The following SAMD12 variants were observed in gnomAD, a reference collection of about 807,000 sequenced individuals.
The protein encoded by SAMD12 is sterile alpha motif domain containing 12.
In SAMD12, 9 loss-of-function variants were observed where a neutral mutation model predicts 15.0. That is an observed-to-expected ratio of 0.60 (90% CI 0.36 to 1.05). The LOEUF is 1.05. SAMD12 is among the 50% of genes least tolerant of loss of function. SAMD12 has a pLI of 0.01. For missense variants in SAMD12, 230 were observed against 234.2 expected (o/e 0.98, Z 0.12); for synonymous variants, 86 against 90.1 (o/e 0.96, Z 0.25).
In SAMD12 at chr8:118,228,685, G is replaced by A. The variant is rs139543099; in HGVS notation, c.434-30953C>T. 6.6e-5 allele frequency among the ~76,000 whole-genome samples: 10 copies of A among 152,262 alleles called. 1 individual carries two copies. The highest frequency in any genetic ancestry group is 9.6e-5 in the African/African-American group (4 of 41,540). ...GATCAGGGAACACTTCTACACTGCTGGTGGGAATGTAAACTAGTACAGCCA... is the reference window on the plus strand; with the variant it reads ...GATCAGGGAACACTTCTACACTGCTAGTGGGAATGTAAACTAGTACAGCCA... On this transcript the variant is annotated intron_variant, in intron 4 of 4. Transcript: ENST00000409003.
At chr8:118,277,687 A>G (rs1000601629) in intron 4 of SAMD12, among the ~76,000 whole-genome samples, 1 of 152,182 alleles carries the variant, frequency 6.6e-6, no homozygotes. Context: ...TCCATTATGT[A>G]TATAGTTTTC....
intron 4 of SAMD12, among the ~76,000 whole-genome samples, chr8:118,272,914 G>T (rs1813400491): frequency 6.6e-6 from 1 of 152,198 alleles, no homozygotes; most frequent in Non-Finnish European, 1.5e-5. Context: ...TGTGTAGGAA[G>T]TTCCAAATGT....
intron 2 of SAMD12, among the ~76,000 whole-genome samples, chr8:118,552,824 T>A (rs1438023532): frequency 6.6e-6 from 1 of 152,024 alleles, no homozygotes; most frequent in African/African-American, 2.4e-5. Context: ...ATAAGCAACT[T>A]CAGCAAAGTC....
At chr8:118,585,107 T>C (rs183072898) in intron 1 of SAMD12, among the ~76,000 whole-genome samples, 182 of 152,302 alleles carry the variant, frequency 1.2e-3, no homozygotes, top group Non-Finnish European at 1.8e-3. Context: ...ATGAAATATT[T>C]TGCGCCTATA....
intron 2 of SAMD12, among the ~76,000 whole-genome samples, chr8:118,578,466 T>C (rs571812525): frequency 2.0e-5 from 3 of 152,202 alleles, no homozygotes; most frequent in Non-Finnish European, 4.4e-5. Context: ...CATTACTGAA[T>C]GGCTTTAGAG....
intron 2 of SAMD12, among the ~76,000 whole-genome samples, chr8:118,548,758 A>AGTT (rs1437591445): frequency 4.6e-5 from 7 of 152,346 alleles, no homozygotes; most frequent in African/African-American, 1.7e-4. Context: ...GGGGTCAGGG[A>AGTT]GTTCCCTTTC....
intron 1 of SAMD12, among the ~76,000 whole-genome samples, chr8:118,612,518 C>A (rs956176057): frequency 1.5e-4 from 23 of 152,184 alleles, no homozygotes; most frequent in African/African-American, 5.1e-4. Context: ...TCCTTCTAAT[C>A]CCTTCCAACT....
intron 1 of SAMD12, among the ~76,000 whole-genome samples, chr8:118,617,829 G>A (rs1045610870): frequency 2.0e-5 from 3 of 152,068 alleles, no homozygotes; most frequent in South Asian, 2.1e-4. Context: ...AGATGAATAC[G>A]ACACTGTCCC....
At chr8:118,506,586 T>C (rs1824926667) in intron 2 of SAMD12, among the ~76,000 whole-genome samples, 1 of 151,966 alleles carries the variant, frequency 6.6e-6, no homozygotes, top group East Asian at 1.9e-4. Context: ...TATCAAACCA[T>C]AAATGGATTA....
At chr8:118,364,058 A>T (rs556573476) in intron 4 of SAMD12, among the ~76,000 whole-genome samples, 1 of 152,302 alleles carries the variant, frequency 6.6e-6, no homozygotes, top group East Asian at 1.9e-4. Flanking sequence ...TAACTCTGAG[A>T]CTTTAATGGT....
chr8:118,181,551 C>T, the SAMD12 span, among the ~76,000 whole-genome samples: 6 of 152,210 alleles, frequency 3.9e-5, no homozygotes, highest in African/African-American at 1.4e-4. Context: ...GGTCCATTTT[C>T]AGGACAGGTG....
downstream of SAMD12, among the ~76,000 whole-genome samples, chr8:118,377,065 G>A (rs1309657875): frequency 6.6e-6 from 1 of 151,676 alleles, no homozygotes; most frequent in East Asian, 1.9e-4. Context: ...CTTCAATAAG[G>A]CTATGTATTT....
intron 4 of SAMD12, among the ~76,000 whole-genome samples, chr8:118,261,268 G>A (rs1045574160): frequency 6.6e-6 from 1 of 151,982 alleles, no homozygotes; most frequent in Non-Finnish European, 1.5e-5. Context: ...CTAAGGTGAC[G>A]TCTACACTTT....
intron 1 of SAMD12, among the ~76,000 whole-genome samples, chr8:118,606,938 G>A (rs1315881735): frequency 1.3e-5 from 2 of 152,068 alleles, no homozygotes; most frequent in Non-Finnish European, 2.9e-5. Context: ...CCCAACCCCA[G>A]GCTATAGGGT....
At chr8:118,346,041 C>T (rs981719643) in intron 4 of SAMD12, among the ~76,000 whole-genome samples, 2 of 152,152 alleles carry the variant, frequency 1.3e-5, no homozygotes, top group Non-Finnish European at 2.9e-5. Flanking sequence ...ACCCTTGGTG[C>T]ATCTGTTTAT....
At chr8:118,212,151 TCTCA>T (rs1193839782) in intron 4 of SAMD12, among the ~76,000 whole-genome samples, 2 of 151,578 alleles carry the variant, frequency 1.3e-5, no homozygotes, top group African/African-American at 2.4e-5. Context: ...GAGATGGGGG[TCTCA>T]CTATGTGGCC....
intron 2 of SAMD12, among the ~76,000 whole-genome samples, chr8:118,499,028 A>G: frequency 6.6e-6 from 1 of 152,190 alleles, no homozygotes; most frequent in East Asian, 1.9e-4. Flanking sequence ...AGAATAGGCT[A>G]GGTTCTGCTG....
intron 4 of SAMD12, among the ~76,000 whole-genome samples, chr8:118,276,446 C>G (rs1813476305): frequency 6.6e-6 from 1 of 152,110 alleles, no homozygotes; most frequent in African/African-American, 2.4e-5. Context: ...TCTTCATTTT[C>G]TGGAATACAA....
intron 2 of SAMD12, among the ~76,000 whole-genome samples, chr8:118,474,812 C>T (rs1823907001): frequency 6.6e-6 from 1 of 152,130 alleles, no homozygotes; most frequent in South Asian, 2.1e-4. Context: ...AAAATTTGAT[C>T]CCCAATGTTC....
Sources: allele counts gnomAD v4.1 joint callset (sites outside exome capture counted in the v4.1 genomes callset), GRCh38; gene constraint gnomAD v4.1.1; transcripts MANE v1.5; gene names NCBI Gene and HGNC (gene_info 2026-07-23, HGNC 2026-07-21).